CDH12: variants seen among roughly 807,000 people sequenced by gnomAD.
The protein encoded by CDH12 is cadherin 12.
A neutral mutation model predicts 74.1 loss-of-function variants in CDH12; 41 were observed. That is an observed-to-expected ratio of 0.55 (90% confidence interval 0.43 to 0.72). The LOEUF is 0.72. CDH12 is among the 30% of genes least tolerant of loss of function. The pLI is 0.00. For missense variants in CDH12, 945 were observed against 977.2 expected (o/e 0.97, Z 0.44); for synonymous variants, 399 against 355.0 (o/e 1.12, Z -1.39).
At chr5:21,930,597 A>G (rs1270329570) in intron 6 of CDH12, among the ~76,000 whole-genome samples, 4 of 152,164 alleles carry the variant, frequency 2.6e-5, no homozygotes, top group African/African-American at 9.7e-5. Flanking sequence ...TAGACACTCA[A>G]CAAATGTTGG....
At chr5:21,758,739 G>A (rs1579646082) in intron 13 of CDH12, among the ~76,000 whole-genome samples, 1 of 152,192 alleles carries the variant, frequency 6.6e-6, no homozygotes, top group African/African-American at 2.4e-5. Flanking sequence ...GATGGCAATA[G>A]CAGTGGTAGT....
At chr5:22,688,119 C>T (rs1034129461) in intron 1 of CDH12, among the ~76,000 whole-genome samples, 3 of 151,878 alleles carry the variant, frequency 2.0e-5, no homozygotes, top group Non-Finnish European at 4.4e-5. Flanking sequence ...TACATAGTCC[C>T]GTTTCATTGT....
intron 1 of CDH12, among the ~76,000 whole-genome samples, chr5:22,716,084 C>T (rs546789687): frequency 6.6e-6 from 1 of 152,048 alleles, no homozygotes; most frequent in Admixed American, 6.5e-5. Flanking sequence ...TTGCAGTGAG[C>T]GGAGATTGTG....
At position 22,803,652 on chromosome 5, in the gene CDH12, C is replaced by CA. The variant is rs576722734; in HGVS notation, c.-523+49405dup. Among the ~76,000 whole-genome samples, 133 of 151,898 alleles carry CA rather than the reference C, an allele frequency of 8.8e-4. 2 individuals are homozygous for CA. In the East Asian group the frequency reaches 0.023, roughly 26 times the overall value. Reference sequence around the variant, plus strand: ...GCATCAGCTGGAAGTTCAAATAATACAAAAAAAATACTTCACCTTGGCCGC... The same window carrying CA: ...GCATCAGCTGGAAGTTCAAATAATACAAAAAAAAATACTTCACCTTGGCCGC... On this transcript the variant is annotated intron_variant, in intron 1 of 14. Coordinates refer to ENST00000382254, the MANE Select transcript of CDH12 (RefSeq NM_004061.5).
chr5:22,583,855 C>T (rs1740232356), intron 1 of CDH12, among the ~76,000 whole-genome samples: 1 of 151,972 alleles, frequency 6.6e-6, no homozygotes, highest in South Asian at 2.1e-4. Context: ...ATAAATCAAA[C>T]ACCCTATGCA....
intron 5 of CDH12, among the ~76,000 whole-genome samples, chr5:22,076,685 T>C (rs1742338595): frequency 6.6e-6 from 1 of 152,194 alleles, no homozygotes; most frequent in South Asian, 2.1e-4. Context: ...GTGATTGTTA[T>C]ATTCCACAAT....
At chr5:22,411,723 C>G (rs1221123481) in intron 2 of CDH12, among the ~76,000 whole-genome samples, 1 of 151,890 alleles carries the variant, frequency 6.6e-6, no homozygotes, top group African/African-American at 2.4e-5. Context: ...TTTTAGAAAT[C>G]TAGACAAGAC....
At chr5:22,028,732 G>A (rs1346181710) in intron 5 of CDH12, among the ~76,000 whole-genome samples, 1 of 152,072 alleles carries the variant, frequency 6.6e-6, no homozygotes, top group Non-Finnish European at 1.5e-5. Flanking sequence ...AGCTACCAAT[G>A]ACTTTCTTCA....
intron 8 of CDH12, among the ~76,000 whole-genome samples, chr5:21,838,504 G>A (rs551737694): frequency 6.6e-6 from 1 of 152,288 alleles, no homozygotes; most frequent in South Asian, 2.1e-4. Context: ...AGGTGGCAGT[G>A]AGCCGAGATC....
chr5:22,641,199 C>T (rs1390035183), intron 1 of CDH12, among the ~76,000 whole-genome samples: 1 of 152,162 alleles, frequency 6.6e-6, no homozygotes, highest in East Asian at 1.9e-4. Flanking sequence ...GCGGGTGTGG[C>T]TTAGTCCAAT....
intron 4 of CDH12, among the ~76,000 whole-genome samples, chr5:22,171,174 C>T (rs1042302489): frequency 6.6e-6 from 1 of 151,810 alleles, no homozygotes; most frequent in Non-Finnish European, 1.5e-5. Flanking sequence ...TGGCCACATG[C>T]TGCAAAAGTC....
chr5:22,794,996 T>C lies in CDH12; in HGVS notation c.-523+58062A>G, dbSNP rs116654946. Among the ~76,000 whole-genome samples the C allele has an allele frequency of 5.5e-3, 838 of 152,178 alleles. 6 individuals are homozygous for C. Among genetic ancestry groups the C allele is most frequent in the African/African-American group, 0.019 (788 of 41,542 alleles). On this transcript the variant is annotated intron_variant, in intron 1 of 14. Coordinates refer to ENST00000382254, the MANE Select transcript of CDH12 (RefSeq NM_004061.5). Reference sequence around the variant, plus strand: ...ATATCTGACTTAATTCATGTAACAATTTGGTGCCAAAAAATGAAGGTAATT... The same window carrying C: ...ATATCTGACTTAATTCATGTAACAACTTGGTGCCAAAAAATGAAGGTAATT...
chr5:22,461,207 T>C (rs1198847000), intron 2 of CDH12, among the ~76,000 whole-genome samples: 1 of 151,630 alleles, frequency 6.6e-6, no homozygotes, highest in African/African-American at 2.4e-5. Context: ...TTTGTATTTT[T>C]AGTAGAGACG....
chr5:21,991,529 G>GTTATATATAATT (rs1757751521), intron 5 of CDH12, among the ~76,000 whole-genome samples: 3 of 4,470 alleles, frequency 6.7e-4, no homozygotes, highest in South Asian at 8.3e-3. Context: ...TATATATATA[G>GTTATATATAATT]GTTATATATA....
At chr5:22,501,585 G>A (rs886959005) in intron 2 of CDH12, among the ~76,000 whole-genome samples, 12 of 152,028 alleles carry the variant, frequency 7.9e-5, no homozygotes, top group African/African-American at 1.9e-4. Flanking sequence ...CCTAACAGGC[G>A]TGTCTCAAAT....
intron 3 of CDH12, among the ~76,000 whole-genome samples, chr5:22,382,382 TG>T (rs991211535): frequency 6.6e-6 from 1 of 151,600 alleles, no homozygotes; most frequent in African/African-American, 2.4e-5. Context: ...ATAAGCCCAC[TG>T]TCACTTCCCT....
intron 1 of CDH12, among the ~76,000 whole-genome samples, chr5:22,773,688 A>T (rs1746934493): frequency 6.6e-6 from 1 of 152,172 alleles, no homozygotes. Context: ...AAAAGAAATT[A>T]TCAACAGAAT....
chr5:22,522,419 C>G (rs1485652492), intron 1 of CDH12, among the ~76,000 whole-genome samples: 1 of 152,194 alleles, frequency 6.6e-6, no homozygotes, highest in Non-Finnish European at 1.5e-5. Context: ...TACTATTGCT[C>G]TGGTATATTT....
chr5:22,698,158 G>A (rs1191350872), intron 1 of CDH12, among the ~76,000 whole-genome samples: 1 of 99,978 alleles, frequency 1.0e-5, no homozygotes, highest in Non-Finnish European at 1.8e-5. Flanking sequence ...TTTCTATCTC[G>A]TTGCCCAGGC....
Sources: allele counts gnomAD v4.1 joint callset (sites outside exome capture counted in the v4.1 genomes callset), GRCh38; gene constraint gnomAD v4.1.1; transcripts MANE v1.5; gene names NCBI Gene and HGNC (gene_info 2026-07-23, HGNC 2026-07-21).